ZFTA: variants seen among roughly 807,000 people sequenced by gnomAD.
ZFTA encodes zinc finger translocation associated.
Under a neutral mutation model 41.8 loss-of-function variants are expected in ZFTA, and 35 were observed. The observed-to-expected ratio is 0.84, with a 90% confidence interval of 0.64 to 1.11. The LOEUF is 1.11. ZFTA is among the 50% of genes most tolerant of loss of function. The probability of loss-of-function intolerance (pLI) is 0.00; values close to 1 mark genes in which losing one functional copy is unlikely to be tolerated. For synonymous variants in ZFTA, 514 were observed against 436.4 expected (o/e 1.18, Z -2.22); for missense variants, 964 against 989.8 (o/e 0.97, Z 0.35).
intron 1 of ZFTA, among the ~76,000 whole-genome samples, chr11:63,768,108 T>G (rs1278513990): frequency 6.6e-6 from 1 of 151,910 alleles, no homozygotes; most frequent in Non-Finnish European, 1.5e-5. Flanking sequence ...GGGCGGACTT[T>G]TGAGAGAAAG....
At chr11:63,768,376 C>G (rs1486022025) in intron 1 of ZFTA, 108 bp downstream of exon 1, 10 of 702,764 alleles carry the variant, frequency 1.4e-5, no homozygotes, top group Non-Finnish European at 1.8e-5. Context: ...CCCCGGCCGC[C>G]CTGCCCGCGT....
chr11:63,767,986 C>T (rs913275162), intron 1 of ZFTA, among the ~76,000 whole-genome samples: 2 of 152,008 alleles, frequency 1.3e-5, no homozygotes, highest in Non-Finnish European at 2.9e-5. Flanking sequence ...AAAAAGGGTG[C>T]ATGTCTCTCA....
At chr11:63,767,614 A>G (rs1027314559) in intron 1 of ZFTA, 3 of 152,216 alleles carry the variant, frequency 2.0e-5, no homozygotes, top group Non-Finnish European at 4.4e-5. Context: ...TTCTTTAAAA[A>G]CAAAAGGGGA....
chr11:63,767,772 G>A (rs2014770344), intron 1 of ZFTA, among the ~76,000 whole-genome samples: 3 of 152,260 alleles, frequency 2.0e-5, no homozygotes, highest in African/African-American at 7.2e-5. Flanking sequence ...AGCGAACGAG[G>A]AGGACTGGTT....
In ZFTA at chr11:63,763,354, G is replaced by A; in HGVS notation, c.*64C>T. 8 of 1,123,524 alleles carry A rather than the reference G, an allele frequency of 7.1e-6. No homozygotes were observed. Among genetic ancestry groups the A allele is most frequent in the Non-Finnish European group, 8.8e-6 (8 of 910,142 alleles). The allele number at this position is 1,123,524 out of a possible 1,614,324, so 69.6% of individuals were successfully genotyped here. A position where few individuals can be genotyped will look rare whatever the true frequency, so the allele number is the denominator to read the frequency against. On this transcript the variant is annotated 3_prime_UTR_variant, in exon 5 of 5. Coordinates refer to ENST00000433688, the MANE Select transcript of ZFTA (RefSeq NM_001144936.2). Reference sequence around the variant, plus strand: ...GGGTCTCCCAGCCGAAGGGCCGGGCGAGCACAGGGCGGGGCGGGGCCGATC... The same window carrying A: ...GGGTCTCCCAGCCGAAGGGCCGGGCAAGCACAGGGCGGGGCGGGGCCGATC...
rs2014690727 is a variant in ZFTA, at chr11:63,763,706, C to T, written c.1749G>A (p.Pro583=). The change falls in exon 5 of 5, where the codon CCG becomes CCA. Residue 583 remains proline, a synonymous_variant. Coordinates refer to ENST00000433688, the MANE Select transcript of ZFTA (RefSeq NM_001144936.2). ...RSREQRRNYQ[P]RWRGEYLMDY... ...CCATCAGGTACTCGCCCCGCCACCGCGGCTGGTAGTTCCGCCGCTGCTCCC... is the reference window on the plus strand; with the variant it reads ...CCATCAGGTACTCGCCCCGCCACCGTGGCTGGTAGTTCCGCCGCTGCTCCC... The T allele has an allele frequency of 6.6e-7, 1 of 1,520,112 alleles. No homozygotes were observed. Among genetic ancestry groups the T allele is most frequent in the Non-Finnish European group, 8.9e-7 (1 of 1,129,688 alleles). 94.2% of individuals were successfully genotyped at this position (1,520,112 alleles called of 1,614,324 possible).
Position 63,762,801 on chromosome 11 carries a change from T to A in ZFTA, c.*617A>T, listed in dbSNP as rs2135090115. The stretch of plus-strand genomic sequence containing the variant: ...GGGCCCCGGGCGCGTAGCCCCGCCC[T>A]CGGTCCAACGCGCCTTCCCACCCCG... On this transcript the variant is annotated 3_prime_UTR_variant, in exon 5 of 5. Coordinates refer to ENST00000433688, the MANE Select transcript of ZFTA (RefSeq NM_001144936.2). 1 of 152,014 alleles carries A rather than the reference T, an allele frequency of 6.6e-6. No homozygotes were observed. Among genetic ancestry groups the A allele is most frequent in the Non-Finnish European group, 1.5e-5 (1 of 67,948 alleles). The allele number at this position is 152,014 out of a possible 1,614,324, so 9.4% of individuals were successfully genotyped here. A position where few individuals can be genotyped will look rare whatever the true frequency, so the allele number is the denominator to read the frequency against.
chr11:63,768,399 T>C (rs1226982952), intron 1 of ZFTA, 85 bp downstream of exon 1: 10 of 856,562 alleles, frequency 1.2e-5, no homozygotes, highest in Non-Finnish European at 5.7e-6. Context: ...CCCGCTTTGT[T>C]CGGCGGCGGA....
chr11:63,768,272 C>T (rs2014779402), intron 1 of ZFTA, among the ~76,000 whole-genome samples: 3 of 149,378 alleles, frequency 2.0e-5, no homozygotes, highest in Admixed American at 2.0e-4. Context: ...AAGGGGGAGG[C>T]GAGCCGCCCG....
At position 63,760,452 on chromosome 11, in the gene ZFTA, C is replaced by G. The variant is rs117460875; in HGVS notation, c.*2966G>C. The G allele has an allele frequency of 6.6e-6, 1 of 152,214 alleles. No homozygotes were observed. Among genetic ancestry groups the G allele is most frequent in the East Asian group, 1.9e-4 (1 of 5,190 alleles). The allele number at this position is 152,214 out of a possible 1,614,324, so 9.4% of individuals were successfully genotyped here. A position where few individuals can be genotyped will look rare whatever the true frequency, so the allele number is the denominator to read the frequency against. The stretch of plus-strand genomic sequence containing the variant: ...ACTGATGCAAACAATTTCACAAATA[C>G]GCATACAAATGTTTGAATAATGTCA... On this transcript the variant is annotated 3_prime_UTR_variant, in exon 5 of 5. Coordinates refer to ENST00000433688, the MANE Select transcript of ZFTA (RefSeq NM_001144936.2).
In ZFTA at chr11:63,764,344, G is replaced by T; in HGVS notation, c.1279C>A (p.Leu427Ile). ...HPQERWRLEYLMELDGGRRGL... is the reference protein window; with the variant it reads ...HPQERWRLEYIMELDGGRRGL... ...CGCCGGCCGCCGTCCAACTCCATGA[G>T]GTACTCCAGCCGCCAGCGCTCCTGG... Residue 427 changes from leucine (L) to isoleucine (I), a missense_variant, in exon 4 of 5, where the codon CTC becomes ATC. By Grantham distance (5) the Leu-to-Ile change is conservative. This residue lies in a region of ZFTA where 584 missense variants were observed against 523.1 expected (regional missense o/e 1.12). Coordinates refer to ENST00000433688, the MANE Select transcript of ZFTA (RefSeq NM_001144936.2). 7.4e-7 allele frequency: 1 copy of T among 1,348,106 alleles called. No homozygotes were observed. The highest frequency in any genetic ancestry group is 9.5e-7 in the Non-Finnish European group (1 of 1,054,912). The allele number at this position is 1,348,106 out of a possible 1,614,324, so 83.5% of individuals were successfully genotyped here. A position where few individuals can be genotyped will look rare whatever the true frequency, so the allele number is the denominator to read the frequency against.
intron 1 of ZFTA, 61 bp downstream of exon 1, chr11:63,768,423 C>A: frequency 9.9e-7 from 1 of 1,014,696 alleles, no homozygotes; most frequent in Non-Finnish European, 1.2e-6. Flanking sequence ...GGGCCCCGAG[C>A]CGCAGCCCTC....
rs1406481380 is a variant in ZFTA, at chr11:63,762,377, G to C, written c.*1041C>G. On this transcript the variant is annotated 3_prime_UTR_variant, in exon 5 of 5. Transcript: ENST00000433688. ...TCGGGGCCACCTGTTCTCCACAGGA[G>C]AATGAATCTACACATCCCTCTCGGA... 2 of 152,158 alleles carry C rather than the reference G, an allele frequency of 1.3e-5. No individual in the cohort carries two copies. Among genetic ancestry groups the C allele is most frequent in the African/African-American group, 4.8e-5 (2 of 41,434 alleles). The allele number at this position is 152,158 out of a possible 1,614,324, so 9.4% of individuals were successfully genotyped here.
In ZFTA at chr11:63,764,258, C is replaced by A; in HGVS notation, c.1365G>T (p.Glu455Asp). 1 of 1,462,186 alleles carries A rather than the reference C, an allele frequency of 6.8e-7. No homozygotes were observed. 90.6% of individuals were successfully genotyped at this position (1,462,186 alleles called of 1,614,324 possible). The change falls in exon 4 of 5, where the codon GAG (glutamate) becomes GAT (aspartate). Residue 455 changes from glutamate to aspartate, a missense_variant. Physicochemically the swap from Glu to Asp is conservative, Grantham distance 45 (BLOSUM62 2). Transcript: ENST00000433688. ...CCGGGTGGCGCCGGCGGATGTGGCG[C>A]TCGATGGTGCTCATCTTGAGCGAGG... is the stretch of plus-strand genomic sequence containing the variant. ...ALASLKMSTIERHIRRRHPGS... is the reference protein window; with the variant it reads ...ALASLKMSTIDRHIRRRHPGS...
Position 63,766,195 on chromosome 11 carries a change from G to A in ZFTA, c.249C>T (p.His83=). The A allele has an allele frequency of 6.5e-7, 1 of 1,534,616 alleles. No homozygotes were observed. The highest frequency in any genetic ancestry group is 8.8e-7 in the Non-Finnish European group (1 of 1,139,652). ...PASSGRKYSD[H]CEARASRPGK... is the part of the protein sequence containing the mutation. ...CAGGCCTCGAGGCCCGGGCCTCACA[G>A]TGGTCTGAATATTTCCTGCCTGAAG... Residue 83 remains histidine (H), a synonymous_variant, in exon 2 of 5, where the codon CAC becomes CAT. Transcript: ENST00000433688.
Position 63,765,156 on chromosome 11 carries a change from C to A in ZFTA, c.736G>T (p.Gly246Trp). 3.9e-6 allele frequency: 6 copies of A among 1,546,132 alleles called. No homozygotes were observed. Among genetic ancestry groups the A allele is most frequent in the Non-Finnish European group, 5.2e-6 (6 of 1,145,742 alleles). Residue 246 changes from glycine to tryptophan, a missense_variant, in exon 3 of 5, where the codon GGG (glycine) becomes TGG (tryptophan). Transcript: ENST00000433688. This position sits in a 1 kb window ranked among gnomAD's most constrained non-coding sequence, Gnocchi z 4.0. ...RLRLSASRRA[G>W]GSRGLGARRL... ...CGGGCCCCCAGCCCCCTGCTGCCCCCGGCCCTCCGGGAGGCTGAGAGGCGC... is the reference window on the plus strand; with the variant it reads ...CGGGCCCCCAGCCCCCTGCTGCCCCAGGCCCTCCGGGAGGCTGAGAGGCGC...
chr11:63,768,736 G>C lies in ZFTA; in HGVS notation c.-114C>G, dbSNP rs929645297. 6.2e-6 allele frequency: 2 copies of C among 321,396 alleles called. No homozygotes were observed. Among genetic ancestry groups the C allele is most frequent in the East Asian group, 1.7e-4 (1 of 5,730 alleles). 19.9% of individuals were successfully genotyped at this position (321,396 alleles called of 1,614,324 possible). A position where few individuals can be genotyped will look rare whatever the true frequency, so the allele number is the denominator to read the frequency against. The stretch of plus-strand genomic sequence containing the variant: ...GCCCCGGGGCGCGGGGCGCATGCAC[G>C]GGGCGGCCGGCCGCACGGACGGCAG... On this transcript the variant is annotated 5_prime_UTR_variant, in exon 1 of 5. Transcript: ENST00000433688.
chr11:63,763,572 G>C lies in ZFTA; in HGVS notation c.1883C>G (p.Ser628Cys). 6.5e-7 allele frequency: 1 copy of C among 1,548,450 alleles called. No homozygotes were observed. Among genetic ancestry groups the C allele is most frequent in the Non-Finnish European group, 8.7e-7 (1 of 1,145,234 alleles). Residue 628 changes from serine (S) to cysteine (C), a missense_variant, in exon 5 of 5, where the codon TCC (serine) becomes TGC (cysteine). Around this residue, in one of 5 missense-constraint regions of ZFTA, gnomAD observed 63 missense variants for 97.8 expected, o/e 0.64. Coordinates refer to ENST00000433688, the MANE Select transcript of ZFTA (RefSeq NM_001144936.2). ...GCGCTCCTCAGGCGTGAAGTCCATG[G>C]AGAAGGGGTGCACCTGCAGGATGTG... The part of the protein sequence containing the change: ...KRHILQVHPF[S>C]MDFTPEERQT...
In ZFTA at chr11:63,764,255, G is replaced by A; in HGVS notation, c.1368C>T (p.Arg456=). Residue 456 remains arginine (R), a synonymous_variant, in exon 4 of 5, where the codon CGC becomes CGT. Coordinates refer to ENST00000433688, the MANE Select transcript of ZFTA (RefSeq NM_001144936.2). The part of the protein sequence containing the change: ...LASLKMSTIE[R]HIRRRHPGST... ...AGCCCGGGTGGCGCCGGCGGATGTGGCGCTCGATGGTGCTCATCTTGAGCG... is the reference window on the plus strand; with the variant it reads ...AGCCCGGGTGGCGCCGGCGGATGTGACGCTCGATGGTGCTCATCTTGAGCG... 6.8e-7 allele frequency: 1 copy of A among 1,461,576 alleles called. No homozygotes were observed. The highest frequency in any genetic ancestry group is 9.0e-7 in the Non-Finnish European group (1 of 1,114,780). The allele number at this position is 1,461,576 out of a possible 1,614,324, so 90.5% of individuals were successfully genotyped here. A position where few individuals can be genotyped will look rare whatever the true frequency, so the allele number is the denominator to read the frequency against.
Sources: allele counts gnomAD v4.1 joint callset (sites outside exome capture counted in the v4.1 genomes callset), GRCh38; gene constraint gnomAD v4.1.1; regional missense constraint gnomAD v4.1.1; non-coding constraint Gnocchi (gnomAD v3.1); transcripts MANE v1.5; gene names NCBI Gene and HGNC (gene_info 2026-07-23, HGNC 2026-07-21).